EGFL6: variants seen among roughly 807,000 people sequenced by gnomAD.
EGFL6 encodes EGF like domain multiple 6, also known as epidermal growth factor-like protein 6.
EGFL6 carries 42 observed loss-of-function variants against 43.1 expected under a neutral mutation model. The ratio of observed to expected loss-of-function variants is 0.98; its 90% CI spans 0.76 to 1.26. The LOEUF (loss-of-function observed/expected upper bound fraction) is 1.26. EGFL6 is among the 50% of genes most tolerant of loss of function. The pLI is 0.00. For missense variants in EGFL6, 429 were observed against 427.8 expected (o/e 1.00, Z -0.02); for synonymous variants, 164 against 163.2 (o/e 1.01, Z -0.04).
intron 1 of EGFL6, 59 bp from the exon 2 acceptor site, chrX:13,589,497 A>G: frequency 1.0e-6 from 1 of 982,398 alleles, no homozygotes; most frequent in Non-Finnish European, 1.4e-6. Flanking sequence ...AGTAGTAGGG[A>G]AGAGTTTCTG....
chrX:13,628,550 AC>A (rs1185746230), intron 11 of EGFL6, among the ~76,000 whole-genome samples: 1 of 111,277 alleles, frequency 9.0e-6, no homozygotes, highest in Non-Finnish European at 1.9e-5. Context: ...GAGGTGACTC[AC>A]GCCTGTAATC....
intron 3 of EGFL6, among the ~76,000 whole-genome samples, chrX:13,598,876 TATATATAA>T (rs2045616198): frequency 2.9e-5 from 3 of 103,732 alleles, no homozygotes; most frequent in Non-Finnish European, 5.8e-5. Context: ...ATATATTTCA[TATATATAA>T]TTCACATATA....
Position 13,623,852 on chromosome X carries a change from C to A in EGFL6, c.1212C>A (p.Phe404Leu), listed in dbSNP as rs142725131. Residue 404 changes from phenylalanine to leucine, a missense_variant, in exon 10 of 12, where the codon TTC becomes TTA. Coordinates refer to ENST00000361306, the MANE Select transcript of EGFL6 (RefSeq NM_015507.4). ...KDLNISVDCS[F>L]NHGICDWKQD... ...TAAATATCTCGGTTGACTGCAGCTT[C>A]AATCATGGGATCTGTGACTGGAAAC... is the stretch of plus-strand genomic sequence containing the variant. 27 of 1,209,226 alleles carry A rather than the reference C, an allele frequency of 2.2e-5. No individual in the cohort carries two copies. The highest frequency in any genetic ancestry group is 3.0e-5 in the Non-Finnish European group (27 of 893,545).
At chrX:13,590,588 T>A (rs941008508) in intron 2 of EGFL6, among the ~76,000 whole-genome samples, 1 of 112,347 alleles carries the variant, frequency 8.9e-6, no homozygotes, top group Non-Finnish European at 1.9e-5. Flanking sequence ...CAATGCTACC[T>A]TCTTTTTGCT....
intron 1 of EGFL6, among the ~76,000 whole-genome samples, chrX:13,573,578 T>C (rs1481692947): frequency 8.9e-6 from 1 of 112,349 alleles, no homozygotes; most frequent in Non-Finnish European, 1.9e-5. Flanking sequence ...TTACCTAGTC[T>C]TCATAAATCA....
intron 8 of EGFL6, 51 bp downstream of exon 8, chrX:13,618,104 C>G: frequency 1.8e-6 from 2 of 1,110,446 alleles, no homozygotes; most frequent in Non-Finnish European, 2.4e-6. Context: ...ATTGCAATTT[C>G]TCCTGGCAAA....
intron 4 of EGFL6, among the ~76,000 whole-genome samples, chrX:13,602,957 C>A (rs757096620): frequency 4.9e-4 from 55 of 112,303 alleles, no homozygotes; most frequent in African/African-American, 1.3e-3. Flanking sequence ...GGTTGATAAT[C>A]TCCATCAGCA....
chrX:13,616,885 C>T (rs1210808243), intron 7 of EGFL6, among the ~76,000 whole-genome samples: 112 of 85,942 alleles, frequency 1.3e-3, no homozygotes, highest in Non-Finnish European at 2.2e-3. Context: ...TTTTTTGAGA[C>T]GGAGTCTCGC....
chrX:13,627,206 C>G lies in EGFL6; in HGVS notation c.1481C>G (p.Thr494Ser), dbSNP rs184320432. 1 of 1,210,423 alleles carries G rather than the reference C, an allele frequency of 8.3e-7. No homozygotes were observed. Among genetic ancestry groups the G allele is most frequent in the East Asian group, 3.0e-5 (1 of 33,795 alleles). The change falls in exon 11 of 12, where the codon ACC becomes AGC. Residue 494 changes from threonine to serine, a missense_variant. Coordinates refer to ENST00000361306, the MANE Select transcript of EGFL6 (RefSeq NM_015507.4). ...AACAATGCCCTGGCATGGGAGAAGA[C>G]CACGAGTGAGGATGAAAAGTGGAAG... The part of the protein sequence containing the change: ...NSNNALAWEK[T>S]TSEDEKWKTG...
chrX:13,599,894 C>A, intron 3 of EGFL6, 81 bp from the exon 4 acceptor site: 1 of 1,100,439 alleles, frequency 9.1e-7, no homozygotes, highest in Non-Finnish European at 1.2e-6. Flanking sequence ...GTTGTCCTTT[C>A]CAAGACTGGG....
At chrX:13,611,206 T>C (rs1039932710) in intron 7 of EGFL6, among the ~76,000 whole-genome samples, 11 of 111,668 alleles carry the variant, frequency 9.9e-5, no homozygotes, top group Middle Eastern at 4.6e-3. Context: ...CTAAGACAAA[T>C]ATGTCTCACA....
chrX:13,586,744 T>G (rs1036438679), intron 1 of EGFL6, among the ~76,000 whole-genome samples: 1 of 112,023 alleles, frequency 8.9e-6, no homozygotes, highest in Non-Finnish European at 1.9e-5. Context: ...CAAGAGAAAT[T>G]AAAACATATG....
chrX:13,582,356 C>T (rs1288622369), intron 1 of EGFL6, among the ~76,000 whole-genome samples: 1 of 111,002 alleles, frequency 9.0e-6, no homozygotes, highest in Admixed American at 9.6e-5. Context: ...CCACTGCGCC[C>T]GGCCGAGTTG....
intron 2 of EGFL6, among the ~76,000 whole-genome samples, chrX:13,592,337 A>G (rs1262980003): frequency 8.9e-6 from 1 of 112,419 alleles, no homozygotes; most frequent in East Asian, 2.8e-4. Flanking sequence ...CTAAAAGTGG[A>G]AAAACCTTGC....
At position 13,569,674 on chromosome X, in the gene EGFL6, G is replaced by A. The variant is rs1161960807; in HGVS notation, c.-188G>A. On this transcript the variant is annotated 5_prime_UTR_variant, in exon 1 of 12. Transcript: ENST00000361306. ...CAGGGCGCCCCCAGCCCCTCCCCAG[G>A]CCGCGAGCGCCCCTGCCGCGGTGCC... 4.7e-6 allele frequency: 2 copies of A among 423,465 alleles called. No individual in the cohort carries two copies. Among genetic ancestry groups the A allele is most frequent in the African/African-American group, 5.0e-5 (2 of 39,890 alleles). The allele number at this position is 423,465 out of a possible 1,213,427, so 34.9% of individuals were successfully genotyped here. A position where few individuals can be genotyped will look rare whatever the true frequency, so the allele number is the denominator to read the frequency against.
intron 10 of EGFL6, among the ~76,000 whole-genome samples, chrX:13,625,462 T>C (rs768798831): frequency 9.0e-6 from 1 of 110,525 alleles, no homozygotes; most frequent in Non-Finnish European, 1.9e-5. Context: ...GGCAGGTGGA[T>C]TACCTGAGGT....
In EGFL6 at chrX:13,619,187, A is replaced by G. The variant is rs139523577; in HGVS notation, c.1127A>G (p.Glu376Gly). The change falls in exon 9 of 12, where the codon GAA (glutamate) becomes GGA (glycine). Residue 376 changes from glutamate to glycine, a missense_variant. By Grantham distance (98) the Glu-to-Gly change is moderately conservative (BLOSUM62 -2). Transcript: ENST00000361306. Reference sequence around the variant, plus strand: ...GTCCCTAAGGTGAATGAAGCAGGTGAATTCGGCCTGATTCTGGTCCAAAGG... The same window carrying G: ...GTCCCTAAGGTGAATGAAGCAGGTGGATTCGGCCTGATTCTGGTCCAAAGG... The part of the protein sequence containing the change: ...VFFPKVNEAG[E>G]FGLILVQRKA... 0.012 allele frequency: 14,781 copies of G among 1,210,103 alleles called. 149 individuals carry two copies. The highest frequency in any genetic ancestry group is 0.056 in the Admixed American group (2,573 of 45,845).
chrX:13,581,011 G>A lies in EGFL6; in HGVS notation c.75-8545G>A, dbSNP rs138202821. Among the ~76,000 whole-genome samples the A allele has an allele frequency of 9.5e-3, 1,061 of 111,370 alleles. 12 individuals carry two copies. Among genetic ancestry groups the A allele is most frequent in the African/African-American group, 0.033 (998 of 30,596 alleles). On this transcript the variant is annotated intron_variant, in intron 1 of 11. Transcript: ENST00000361306. Reference sequence around the variant, plus strand: ...CTCACTTCCCCACTCCTTTATCAACGTTCCCTTCACCTCCTAAGTAAACCA... The same window carrying A: ...CTCACTTCCCCACTCCTTTATCAACATTCCCTTCACCTCCTAAGTAAACCA...
At chrX:13,593,000 T>C (rs2045574100) in intron 2 of EGFL6, among the ~76,000 whole-genome samples, 1 of 97,812 alleles carries the variant, frequency 1.0e-5, no homozygotes, top group Non-Finnish European at 2.1e-5. Context: ...CTGCAACTTC[T>C]GCCTCCTGTG....
Sources: allele counts gnomAD v4.1 joint callset (sites outside exome capture counted in the v4.1 genomes callset), GRCh38; gene constraint gnomAD v4.1.1; transcripts MANE v1.5; gene names NCBI Gene and HGNC (gene_info 2026-07-23, HGNC 2026-07-21).